Variants in MARCHF6 observed in about 807,000 individuals in gnomAD.
The protein encoded by MARCHF6 is membrane associated ring-CH-type finger 6, also known as E3 ubiquitin-protein ligase MARCHF6.
In MARCHF6, 31 loss-of-function variants were observed where a neutral mutation model predicts 133.7. That is an observed-to-expected ratio of 0.23 (90% CI 0.17 to 0.31). The LOEUF (loss-of-function observed/expected upper bound fraction) is 0.31. MARCHF6 is among the 10% of genes least tolerant of loss of function. The pLI, the probability that MARCHF6 is intolerant of heterozygous loss-of-function variation, is 1.00. For missense variants in MARCHF6, 723 were observed against 1,121.6 expected (o/e 0.64, Z 5.08); for synonymous variants, 395 against 402.5 (o/e 0.98, Z 0.22).
chr5:10,377,696 A>G, intron 1 of MARCHF6, 102 bp from the exon 2 acceptor site: 1 of 688,044 alleles, frequency 1.5e-6, no homozygotes, highest in Non-Finnish European at 2.6e-6. Flanking sequence ...GTCAAGTGAT[A>G]GATTCTTGCT....
At position 10,353,955 on chromosome 5, in the gene MARCHF6, G is replaced by T; in HGVS notation, c.19+38G>T. 1.3e-6 allele frequency: 2 copies of T among 1,532,780 alleles called. 1 individual carries two copies. The highest frequency in any genetic ancestry group is 5.1e-5 in the East Asian group (2 of 39,112). The allele number at this position is 1,532,780 out of a possible 1,614,324, so 94.9% of individuals were successfully genotyped here. A position where few individuals can be genotyped will look rare whatever the true frequency, so the allele number is the denominator to read the frequency against. ...CGCGCGGCGCCCGAGCCCTTGCGTCGGCGCCCGGGTTCGTACCCCGGCCAG... is the reference window on the plus strand; with the variant it reads ...CGCGCGGCGCCCGAGCCCTTGCGTCTGCGCCCGGGTTCGTACCCCGGCCAG... On this transcript the variant is annotated intron_variant, in intron 1 of 25. Coordinates refer to ENST00000274140, the MANE Select transcript of MARCHF6 (RefSeq NM_005885.4).
At chr5:10,389,124 T>G (rs1207552790) in intron 5 of MARCHF6, among the ~76,000 whole-genome samples, 2 of 152,140 alleles carry the variant, frequency 1.3e-5, no homozygotes, top group Non-Finnish European at 1.5e-5. Flanking sequence ...AGGAAAAAAG[T>G]GATTCCATTA....
In MARCHF6 at chr5:10,376,120, G is replaced by A. The variant is rs190327589; in HGVS notation, c.20-1678G>A. ...CGGAGCCAGCAGTGGCAAGCTGCTCGGGTCCCCTTCCACACTGTGGAAGCT... is the reference window on the plus strand; with the variant it reads ...CGGAGCCAGCAGTGGCAAGCTGCTCAGGTCCCCTTCCACACTGTGGAAGCT... On this transcript the variant is annotated intron_variant, in intron 1 of 25. Coordinates refer to ENST00000274140, the MANE Select transcript of MARCHF6 (RefSeq NM_005885.4). 7.8e-4 allele frequency among the ~76,000 whole-genome samples: 119 copies of A among 152,246 alleles called. 2 individuals are homozygous for A. Among genetic ancestry groups the A allele is most frequent in the Non-Finnish European group, 1.4e-3 (97 of 68,018 alleles).
At chr5:10,369,990 T>C (rs1308160465) in intron 1 of MARCHF6, among the ~76,000 whole-genome samples, 1 of 152,050 alleles carries the variant, frequency 6.6e-6, no homozygotes, top group East Asian at 1.9e-4. Flanking sequence ...TTTTGTTTTA[T>C]CAGGTTAAAT....
chr5:10,361,287 T>C (rs1056986765), intron 1 of MARCHF6, among the ~76,000 whole-genome samples: 1 of 152,192 alleles, frequency 6.6e-6, no homozygotes, highest in South Asian at 2.1e-4. Context: ...GTTTTAGATA[T>C]TGTTTTAGTT....
At chr5:10,363,818 T>A (rs1322428421) in intron 1 of MARCHF6, among the ~76,000 whole-genome samples, 2 of 152,156 alleles carry the variant, frequency 1.3e-5, no homozygotes, top group African/African-American at 4.8e-5. Context: ...TGGATAAATC[T>A]CATAAACATT....
intron 2 of MARCHF6, 94 bp downstream of exon 2, chr5:10,377,988 T>C: frequency 1.4e-6 from 1 of 700,934 alleles, no homozygotes; most frequent in Non-Finnish European, 2.4e-6. Flanking sequence ...TTCTCTGTAA[T>C]TATTTTTAAA....
Position 10,407,123 on chromosome 5 carries a change from C to T in MARCHF6, c.1474C>T (p.Leu492Phe). Residue 492 changes from leucine to phenylalanine, a missense_variant, in exon 17 of 26, where the codon CTC (leucine) becomes TTC (phenylalanine). Physicochemically the swap from Leu to Phe is conservative, Grantham distance 22. This residue lies in a region of MARCHF6 where 492 missense variants were observed against 699.5 expected (regional missense o/e 0.70). Coordinates refer to ENST00000274140, the MANE Select transcript of MARCHF6 (RefSeq NM_005885.4). Reference sequence around the variant, plus strand: ...GCAGATTGTCTTTGGCTCCATTGTCCTCCTGATGCTTTGGCTTCCTATACG... The same window carrying T: ...GCAGATTGTCTTTGGCTCCATTGTCTTCCTGATGCTTTGGCTTCCTATACG... ...LSVIVFGSIV[L>F]LMLWLPIRII... 3 of 1,612,098 alleles carry T rather than the reference C, an allele frequency of 1.9e-6. No homozygotes were observed. The highest frequency in any genetic ancestry group is 2.5e-6 in the Non-Finnish European group (3 of 1,178,548).
chr5:10,423,347 A>G (rs182231029), intron 22 of MARCHF6, among the ~76,000 whole-genome samples: 36 of 152,340 alleles, frequency 2.4e-4, no homozygotes, highest in Non-Finnish European at 5.1e-4. Flanking sequence ...TTCTTAGGCC[A>G]AACTTTGCTC....
At chr5:10,431,347 T>C (rs1740348558) in intron 25 of MARCHF6, among the ~76,000 whole-genome samples, 1 of 152,226 alleles carries the variant, frequency 6.6e-6, no homozygotes, top group Non-Finnish European at 1.5e-5. Flanking sequence ...GGGAACTTTC[T>C]ACCTGCTTCT....
intron 10 of MARCHF6, among the ~76,000 whole-genome samples, chr5:10,397,676 A>G (rs1264276134): frequency 2.0e-5 from 3 of 152,062 alleles, no homozygotes; most frequent in South Asian, 2.1e-4. Context: ...GCTCTTCCCT[A>G]TGGTGGAATA....
In MARCHF6 at chr5:10,434,431, C is replaced by T. The variant is rs1380033948; in HGVS notation, c.*747C>T. On this transcript the variant is annotated 3_prime_UTR_variant, in exon 26 of 26. Coordinates refer to ENST00000274140, the MANE Select transcript of MARCHF6 (RefSeq NM_005885.4). ...GGAGTTGGGTTTCAGTGGGGCATGT[C>T]TATACTTAGAGAAAAAAAGTCCAAA... The T allele has an allele frequency of 1.3e-5, 2 of 152,454 alleles. No homozygotes were observed. Among genetic ancestry groups the T allele is most frequent in the African/African-American group, 4.8e-5 (2 of 41,384 alleles). The allele number at this position is 152,454 out of a possible 1,614,324, so 9.4% of individuals were successfully genotyped here. A position where few individuals can be genotyped will look rare whatever the true frequency, so the allele number is the denominator to read the frequency against.
intron 1 of MARCHF6, among the ~76,000 whole-genome samples, chr5:10,375,706 G>A (rs879408259): frequency 1.6e-4 from 24 of 152,210 alleles, no homozygotes; most frequent in Admixed American, 5.2e-4. Context: ...TTTAGCTCAA[G>A]GTTTGTGAGT....
intron 1 of MARCHF6, among the ~76,000 whole-genome samples, chr5:10,357,973 T>TC (rs1735581954): frequency 6.6e-6 from 1 of 150,486 alleles, no homozygotes; most frequent in African/African-American, 2.4e-5. Flanking sequence ...TTGCTTTTTT[T>TC]TTTTTTTTTT....
At chr5:10,356,457 A>G (rs969238660) in intron 1 of MARCHF6, among the ~76,000 whole-genome samples, 6 of 149,976 alleles carry the variant, frequency 4.0e-5, no homozygotes, top group South Asian at 2.1e-4. Flanking sequence ...GTGCAGTGGC[A>G]TGATCTCTGC....
intron 18 of MARCHF6, among the ~76,000 whole-genome samples, chr5:10,410,559 A>G (rs1188701345): frequency 6.6e-6 from 1 of 152,024 alleles, no homozygotes; most frequent in Non-Finnish European, 1.5e-5. Context: ...AGTGCATTAA[A>G]AACAAACCAG....
In MARCHF6 at chr5:10,434,050, G is replaced by C; in HGVS notation, c.*366G>C. The C allele has an allele frequency of 4.8e-6, 1 of 208,800 alleles. No individual in the cohort carries two copies. Among genetic ancestry groups the C allele is most frequent in the South Asian group, 7.0e-5 (1 of 14,244 alleles). 12.9% of individuals were successfully genotyped at this position (208,800 alleles called of 1,614,324 possible). A position where few individuals can be genotyped will look rare whatever the true frequency, so the allele number is the denominator to read the frequency against. ...AGGAAACGTGCCACAGAGCAGTAGT[G>C]CGCAGGCAAGACTTTTCAGTGACGC... On this transcript the variant is annotated 3_prime_UTR_variant, in exon 26 of 26. Coordinates refer to ENST00000274140, the MANE Select transcript of MARCHF6 (RefSeq NM_005885.4).
In MARCHF6 at chr5:10,359,850, G is replaced by GA. The variant is rs547086687; in HGVS notation, c.19+5939dup. ...CGAAACCCTGTCTCTACTAAAAATA[G>GA]AAAAAATTAGCTGGATGTGGTGGCG... On this transcript the variant is annotated intron_variant, in intron 1 of 25. Transcript: ENST00000274140. Among the ~76,000 whole-genome samples the GA allele has an allele frequency of 9.2e-5, 14 of 152,032 alleles. No homozygotes were observed. The South Asian group carries it at 1.2e-3, about 14-fold the overall frequency.
rs1002707862 is a variant in MARCHF6, at chr5:10,415,194, A to G, written c.1967-294A>G. Among the ~76,000 whole-genome samples, 3 of 152,358 alleles carry G rather than the reference A, an allele frequency of 2.0e-5. No homozygotes were observed. The East Asian group carries it at 5.8e-4, about 29-fold the overall frequency. ...TGGTGATAAAAACAATGAAAACATT[A>G]ATTCCCTCAAAAGCTTTTTTAGACC... On this transcript the variant is annotated intron_variant, in intron 20 of 25. Transcript: ENST00000274140.
Sources: gnomAD v4.1 joint callset for allele counts (sites outside exome capture counted in the v4.1 genomes callset) on GRCh38, gnomAD v4.1.1 for gene constraint, gnomAD v4.1.1 regional missense constraint, MANE v1.5 for transcripts, NCBI Gene and HGNC (gene_info 2026-07-23, HGNC 2026-07-21) for gene names.